PBX1: variants seen among roughly 807,000 people sequenced by gnomAD.
PBX1 encodes the protein pre-B-cell leukemia transcription factor 1.
A neutral mutation model predicts 53.4 loss-of-function variants in PBX1; 6 were observed. The observed-to-expected ratio is 0.11, with a 90% CI of 0.06 to 0.22. The LOEUF (loss-of-function observed/expected upper bound fraction) is 0.22, where lower values mean the gene tolerates loss of function less well. Ranked by LOEUF, PBX1 falls within the 10% of genes least tolerant of loss-of-function variation. The pLI is 1.00. For missense variants in PBX1, 251 were observed against 551.4 expected (o/e 0.46, Z 5.46); for synonymous variants, 204 against 212.3 (o/e 0.96, Z 0.34).
chr1:164,792,378 A>G, intron 2 of PBX1, 116 bp from the exon 3 acceptor site: 2 of 1,497,430 alleles, frequency 1.3e-6, no homozygotes, highest in Non-Finnish European at 1.8e-6. Context: ...TATTCCTCAA[A>G]TGGCATCTTG....
intron 2 of PBX1, among the ~76,000 whole-genome samples, chr1:164,689,316 A>G (rs938172727): frequency 1.3e-5 from 2 of 150,962 alleles, no homozygotes; most frequent in Non-Finnish European, 3.0e-5. Context: ...TTTCTTTTTC[A>G]TTCTTCTTTT....
At chr1:164,792,210 C>G (rs754855667) in intron 2 of PBX1, among the ~76,000 whole-genome samples, 1 of 152,148 alleles carries the variant, frequency 6.6e-6, no homozygotes, top group Non-Finnish European at 1.5e-5. Flanking sequence ...CTCCCCACTC[C>G]TCCCCACAAC....
intron 2 of PBX1, among the ~76,000 whole-genome samples, chr1:164,774,851 C>A (rs1373318882): frequency 6.6e-6 from 1 of 152,180 alleles, no homozygotes. Flanking sequence ...CAACCCATGG[C>A]CCAGCAGGAA....
chr1:164,605,519 G>A (rs980151896), intron 2 of PBX1: 16 of 152,180 alleles, frequency 1.1e-4, no homozygotes, highest in African/African-American at 3.6e-4. Context: ...GGTCTCTCCA[G>A]TTTTCCTGAT....
intron 2 of PBX1, among the ~76,000 whole-genome samples, chr1:164,776,516 TC>T (rs1267690783): frequency 6.6e-6 from 1 of 152,224 alleles, no homozygotes; most frequent in Non-Finnish European, 1.5e-5. Flanking sequence ...CCCCTCTTTT[TC>T]CTTTTTGAGT....
chr1:164,700,242 C>T (rs1319061687), intron 2 of PBX1, among the ~76,000 whole-genome samples: 3 of 152,004 alleles, frequency 2.0e-5, no homozygotes, highest in Non-Finnish European at 4.4e-5. Context: ...TGGAGGCAAA[C>T]GCATTCTTAA....
chr1:164,797,496 A>G (rs922224930), intron 3 of PBX1, among the ~76,000 whole-genome samples: 3 of 152,132 alleles, frequency 2.0e-5, no homozygotes, highest in African/African-American at 2.4e-5. Flanking sequence ...TGGCTAGGGA[A>G]TGAGCTTACT....
intron 2 of PBX1, among the ~76,000 whole-genome samples, chr1:164,576,158 G>A (rs1654217318): frequency 6.6e-6 from 1 of 152,192 alleles, no homozygotes; most frequent in Admixed American, 6.5e-5. Flanking sequence ...AAGCCCGGTG[G>A]CGAGCCACAT....
chr1:164,771,908 G>A (rs539623394), intron 2 of PBX1, among the ~76,000 whole-genome samples: 1 of 152,168 alleles, frequency 6.6e-6, no homozygotes, highest in Non-Finnish European at 1.5e-5. Context: ...AGGCCGGAAG[G>A]GGGGCTGGGC....
intron 3 of PBX1, among the ~76,000 whole-genome samples, chr1:164,793,639 C>G (rs1284548726): frequency 1.3e-5 from 2 of 152,162 alleles, no homozygotes; most frequent in Non-Finnish European, 2.9e-5. Context: ...TATAGCAATG[C>G]TAGTTCCTCT....
intron 2 of PBX1, among the ~76,000 whole-genome samples, chr1:164,744,790 T>C (rs1665807036): frequency 6.6e-6 from 1 of 152,138 alleles, no homozygotes; most frequent in Non-Finnish European, 1.5e-5. Flanking sequence ...TCTGAGGACA[T>C]TTTTTTCAGC....
chr1:164,660,714 C>CA (rs1660438626), intron 2 of PBX1, among the ~76,000 whole-genome samples: 1 of 152,146 alleles, frequency 6.6e-6, no homozygotes, highest in Non-Finnish European at 1.5e-5. Context: ...GACTACAGCT[C>CA]TTCAGTGCCT....
At chr1:164,576,682 C>G (rs1359338465) in intron 2 of PBX1, 1 of 152,334 alleles carries the variant, frequency 6.6e-6, no homozygotes, top group African/African-American at 2.4e-5. Flanking sequence ...TCTGTCCCGG[C>G]TGACTTAACT....
At chr1:164,790,355 A>G (rs1202666066) in intron 2 of PBX1, among the ~76,000 whole-genome samples, 1 of 152,198 alleles carries the variant, frequency 6.6e-6, no homozygotes, top group Non-Finnish European at 1.5e-5. Flanking sequence ...AAGTCCACAA[A>G]ATAAACCTCA....
intron 2 of PBX1, among the ~76,000 whole-genome samples, chr1:164,705,283 G>A (rs566052409): frequency 6.6e-6 from 1 of 152,148 alleles, no homozygotes; most frequent in Admixed American, 6.5e-5. Context: ...AATATGTCTG[G>A]GGAAAATACA....
chr1:164,747,622 GA>G (rs922115374), intron 2 of PBX1, among the ~76,000 whole-genome samples: 118 of 152,280 alleles, frequency 7.7e-4, no homozygotes, highest in African/African-American at 2.7e-3. Flanking sequence ...GTTTCCACAT[GA>G]AAAGTGAGTA....
At chr1:164,863,860 C>T (rs1186839241) in intron 2 of PBX1, among the ~76,000 whole-genome samples, 1 of 152,172 alleles carries the variant, frequency 6.6e-6, no homozygotes, top group Admixed American at 6.5e-5. Context: ...TGTTTTCACT[C>T]ATTTTTCATG....
intron 2 of PBX1, among the ~76,000 whole-genome samples, chr1:164,621,702 T>C (rs1657689119): frequency 6.6e-6 from 1 of 152,202 alleles, no homozygotes; most frequent in Admixed American, 6.5e-5. Flanking sequence ...CCAATGGAGT[T>C]TCTTAACTCC....
chr1:164,715,391 A>T (rs935341397), intron 2 of PBX1, among the ~76,000 whole-genome samples: 1 of 152,172 alleles, frequency 6.6e-6, no homozygotes, highest in Non-Finnish European at 1.5e-5. Context: ...TTGGTTGTTC[A>T]TGAAGACCTG....
Sources: gnomAD v4.1 joint callset for allele counts (sites outside exome capture counted in the v4.1 genomes callset) on GRCh38, gnomAD v4.1.1 for gene constraint, MANE v1.5 for transcripts, NCBI Gene and HGNC (gene_info 2026-07-23, HGNC 2026-07-21) for gene names.